Variants in DPYD observed in about 807,000 individuals in gnomAD.
The protein encoded by DPYD is dihydropyrimidine dehydrogenase [NADP(+)].
Under a neutral mutation model 116.2 loss-of-function variants are expected in DPYD, and 109 were observed. That is an observed-to-expected ratio of 0.94 (90% CI 0.80 to 1.10). The LOEUF is 1.10. Ranked by LOEUF, DPYD falls within the 50% of genes least tolerant of loss-of-function variation. DPYD has a pLI of 0.00. For synonymous variants in DPYD, 440 were observed against 432.0 expected, an observed-to-expected ratio of 1.02 and a Z score of -0.23; for missense variants, 1,302 against 1,254.5, an observed-to-expected ratio of 1.04 and a Z score of -0.57.
At chr1:97,545,309 A>C (rs986731953) in intron 12 of DPYD, among the ~76,000 whole-genome samples, 2 of 152,154 alleles carry the variant, frequency 1.3e-5, no homozygotes, top group Admixed American at 1.3e-4. Flanking sequence ...AATTTATATA[A>C]ATAAATGTCA....
intron 1 of DPYD, among the ~76,000 whole-genome samples, chr1:97,887,831 G>A (rs1040390688): frequency 1.3e-5 from 2 of 151,974 alleles, no homozygotes; most frequent in Non-Finnish European, 2.9e-5. Flanking sequence ...CCCCCATGCT[G>A]CTGTTCTCAT....
chr1:97,374,669 A>C (rs1303228237), intron 15 of DPYD, among the ~76,000 whole-genome samples: 1 of 130,620 alleles, frequency 7.7e-6, no homozygotes, highest in African/African-American at 2.9e-5. Flanking sequence ...CAGTAAGCTG[A>C]GATCGCACCA....
intron 16 of DPYD, among the ~76,000 whole-genome samples, chr1:97,333,563 C>G (rs1471650275): frequency 1.5e-5 from 2 of 132,202 alleles, no homozygotes; most frequent in East Asian, 4.9e-4. Context: ...CACTGTCGTA[C>G]AGGCTGGAGT....
intron 20 of DPYD, among the ~76,000 whole-genome samples, chr1:97,143,156 TC>T (rs1045790716): frequency 2.0e-5 from 3 of 152,034 alleles, no homozygotes; most frequent in African/African-American, 4.8e-5. Context: ...CATGAGCATT[TC>T]TAAGGGCCAT....
chr1:97,700,526 G>A (rs1661538743), intron 5 of DPYD, among the ~76,000 whole-genome samples: 1 of 151,960 alleles, frequency 6.6e-6, no homozygotes, highest in South Asian at 2.1e-4. Context: ...CTAGCCTTGA[G>A]TCAACTCAGC....
chr1:97,355,657 C>T (rs146419720), intron 16 of DPYD, among the ~76,000 whole-genome samples: 1 of 152,188 alleles, frequency 6.6e-6, no homozygotes, highest in East Asian at 1.9e-4. Flanking sequence ...GTTTTAGAGT[C>T]CACATGTAAG....
chr1:97,166,959 A>G (rs1656370323), intron 20 of DPYD, among the ~76,000 whole-genome samples: 1 of 152,204 alleles, frequency 6.6e-6, no homozygotes, highest in Admixed American at 6.5e-5. Flanking sequence ...TATTTTCAAT[A>G]GTTTGTATTA....
At chr1:97,183,561 CT>C (rs1348783024) in intron 20 of DPYD, among the ~76,000 whole-genome samples, 2 of 152,048 alleles carry the variant, frequency 1.3e-5, no homozygotes, top group African/African-American at 4.8e-5. Context: ...CCACTTTGTT[CT>C]CCTTTTTCAA....
intron 2 of DPYD, among the ~76,000 whole-genome samples, chr1:97,836,597 T>A (rs994954492): frequency 1.3e-5 from 2 of 152,074 alleles, no homozygotes; most frequent in Non-Finnish European, 2.9e-5. Flanking sequence ...AAAAAACAAT[T>A]AACATATGAA....
intron 14 of DPYD, among the ~76,000 whole-genome samples, chr1:97,395,557 T>G (rs1035453911): frequency 2.6e-5 from 4 of 152,074 alleles, no homozygotes; most frequent in African/African-American, 9.7e-5. Context: ...TCCTATCCTT[T>G]CAATTTACAT....
intron 13 of DPYD, among the ~76,000 whole-genome samples, chr1:97,508,073 T>C (rs2811180): frequency 1.7e-4 from 26 of 151,958 alleles, no homozygotes; most frequent in African/African-American, 6.3e-4. Flanking sequence ...GGGCATGCTG[T>C]AGTGAGCAAG....
chr1:97,515,579 G>C, intron 13 of DPYD, 147 bp downstream of exon 13: 1 of 731,340 alleles, frequency 1.4e-6, no homozygotes, highest in Admixed American at 2.8e-5. Context: ...AGGAAGGAAA[G>C]AAACTAAAGA....
intron 20 of DPYD, among the ~76,000 whole-genome samples, chr1:97,143,842 A>G (rs1209339227): frequency 6.6e-6 from 1 of 152,114 alleles, no homozygotes; most frequent in Non-Finnish European, 1.5e-5. Flanking sequence ...ATTTCATTTG[A>G]CCAGAATTTG....
chr1:97,146,565 C>T (rs1654647762), intron 20 of DPYD, among the ~76,000 whole-genome samples: 2 of 152,288 alleles, frequency 1.3e-5, no homozygotes, highest in Admixed American at 6.5e-5. Flanking sequence ...ATGGACTTTC[C>T]ATAAGGTCTG....
chr1:97,912,794 C>T (rs1266906822), intron 1 of DPYD, among the ~76,000 whole-genome samples: 1 of 152,052 alleles, frequency 6.6e-6, no homozygotes, highest in Non-Finnish European at 1.5e-5. Flanking sequence ...AACTGAATGC[C>T]TTTCTTCTTT....
intron 3 of DPYD, among the ~76,000 whole-genome samples, chr1:97,751,908 C>CACCACA (rs1314217969): frequency 6.6e-6 from 1 of 151,806 alleles, no homozygotes; most frequent in Non-Finnish European, 1.5e-5. Context: ...GATCACAGGC[C>CACCACA]TGTGCCACCA....
At chr1:97,477,057 G>A (rs376922186) in intron 13 of DPYD, among the ~76,000 whole-genome samples, 1 of 152,148 alleles carries the variant, frequency 6.6e-6, no homozygotes, top group African/African-American at 2.4e-5. Context: ...CAGGATGGTG[G>A]TTGCTGAAGG....
At chr1:97,511,110 T>C (rs1392291500) in intron 13 of DPYD, among the ~76,000 whole-genome samples, 1 of 151,868 alleles carries the variant, frequency 6.6e-6, no homozygotes, top group Non-Finnish European at 1.5e-5. Flanking sequence ...GGAGAACTGA[T>C]CATGCGTGCT....
chr1:97,414,191 A>G (rs1674164934), intron 14 of DPYD, among the ~76,000 whole-genome samples: 1 of 152,202 alleles, frequency 6.6e-6, no homozygotes, highest in South Asian at 2.1e-4. Flanking sequence ...AGACATACCA[A>G]TATACACATT....
Sources: gnomAD v4.1 joint callset for allele counts (sites outside exome capture counted in the v4.1 genomes callset) on GRCh38, gnomAD v4.1.1 for gene constraint, MANE v1.5 for transcripts, NCBI Gene and HGNC (gene_info 2026-07-23, HGNC 2026-07-21) for gene names.